HS6ST3: variants seen among roughly 807,000 people sequenced by gnomAD.
HS6ST3 encodes the protein heparan-sulfate 6-O-sulfotransferase 3.
Under a neutral mutation model 36.7 loss-of-function variants are expected in HS6ST3, and 12 were observed. The observed-to-expected ratio is 0.33, with a 90% CI of 0.21 to 0.53. The LOEUF is 0.53. Among genes scored for constraint, HS6ST3 ranks in the 20% least tolerant of loss-of-function variants. HS6ST3 has a pLI of 0.95. For synonymous variants in HS6ST3, 240 were observed against 257.5 expected (o/e 0.93, Z 0.65); for missense variants, 584 against 640.9 (o/e 0.91, Z 0.96).
intron 1 of HS6ST3, among the ~76,000 whole-genome samples, chr13:96,596,094 C>G (rs1294684245): frequency 6.6e-6 from 1 of 152,106 alleles, no homozygotes; most frequent in Non-Finnish European, 1.5e-5. Context: ...CTTCACTCAC[C>G]TTCCACCCTC....
chr13:96,288,776 C>T (rs904746187), intron 1 of HS6ST3, among the ~76,000 whole-genome samples: 1 of 151,934 alleles, frequency 6.6e-6, no homozygotes, highest in African/African-American at 2.4e-5. Context: ...TTATTTTGCT[C>T]TTATTATTAA....
intron 1 of HS6ST3, among the ~76,000 whole-genome samples, chr13:96,800,793 T>C (rs1878046604): frequency 6.6e-6 from 1 of 152,072 alleles, no homozygotes; most frequent in East Asian, 1.9e-4. Flanking sequence ...TTCCCTTCTC[T>C]CTGCTCCATC....
intron 1 of HS6ST3, among the ~76,000 whole-genome samples, chr13:96,602,774 T>TG (rs1439756650): frequency 6.6e-6 from 1 of 152,150 alleles, no homozygotes; most frequent in Non-Finnish European, 1.5e-5. Context: ...TATGGGGCTG[T>TG]GGGGGTTCTG....
At chr13:96,167,733 T>A (rs1222009688) in intron 1 of HS6ST3, among the ~76,000 whole-genome samples, 7 of 152,250 alleles carry the variant, frequency 4.6e-5, no homozygotes, top group African/African-American at 1.7e-4. Flanking sequence ...AGGTGATTAA[T>A]TAAGATATTA....
At chr13:96,700,627 T>C (rs897836644) in intron 1 of HS6ST3, among the ~76,000 whole-genome samples, 1 of 152,218 alleles carries the variant, frequency 6.6e-6, no homozygotes, top group Admixed American at 6.5e-5. Flanking sequence ...CCTATACTAA[T>C]GTATCTGTGA....
intron 1 of HS6ST3, among the ~76,000 whole-genome samples, chr13:96,488,447 G>A (rs1265900303): frequency 1.3e-5 from 2 of 152,030 alleles, no homozygotes; most frequent in Non-Finnish European, 2.9e-5. Flanking sequence ...ATATATCAAG[G>A]CATTTTAGTA....
At chr13:96,605,100 G>A (rs776355627) in intron 1 of HS6ST3, among the ~76,000 whole-genome samples, 32 of 152,118 alleles carry the variant, frequency 2.1e-4, no homozygotes, top group Non-Finnish European at 3.7e-4. Flanking sequence ...TTCCAGCTCA[G>A]TCAGTTCTAA....
chr13:96,816,896 G>A (rs1218899654), intron 1 of HS6ST3, among the ~76,000 whole-genome samples: 1 of 152,130 alleles, frequency 6.6e-6, no homozygotes, highest in Non-Finnish European at 1.5e-5. Context: ...AGGGTGCTAG[G>A]TCGTGTTCTC....
intron 1 of HS6ST3, among the ~76,000 whole-genome samples, chr13:96,243,963 C>G (rs2054573211): frequency 6.6e-6 from 1 of 151,516 alleles, no homozygotes; most frequent in Non-Finnish European, 1.5e-5. Context: ...TTCTGATAAG[C>G]CTTTATGCTG....
At chr13:96,736,016 A>G (rs1339313392) in intron 1 of HS6ST3, among the ~76,000 whole-genome samples, 2 of 152,172 alleles carry the variant, frequency 1.3e-5, no homozygotes, top group African/African-American at 4.8e-5. Context: ...GAGCTAAATG[A>G]TGAGAACACA....
At chr13:96,602,523 C>G (rs534070766) in intron 1 of HS6ST3, among the ~76,000 whole-genome samples, 2 of 152,314 alleles carry the variant, frequency 1.3e-5, no homozygotes, top group South Asian at 4.1e-4. Context: ...AGCCTGGGCA[C>G]TGCAGCAGCT....
intron 1 of HS6ST3, among the ~76,000 whole-genome samples, chr13:96,255,944 C>T (rs1323559963): frequency 6.6e-6 from 1 of 152,204 alleles, no homozygotes; most frequent in Non-Finnish European, 1.5e-5. Flanking sequence ...GTTTCCTTCA[C>T]AAATAAACTC....
chr13:96,394,808 T>C (rs1350393219), intron 1 of HS6ST3, among the ~76,000 whole-genome samples: 1 of 152,274 alleles, frequency 6.6e-6, no homozygotes, highest in African/African-American at 2.4e-5. Context: ...TCGTACAGAG[T>C]GAGGCTTGGA....
At chr13:96,153,147 C>A (rs1641768693) in intron 1 of HS6ST3, among the ~76,000 whole-genome samples, 1 of 152,124 alleles carries the variant, frequency 6.6e-6, no homozygotes, top group East Asian at 1.9e-4. Flanking sequence ...CATCTCCAAC[C>A]CCTAAACTGT....
intron 1 of HS6ST3, among the ~76,000 whole-genome samples, chr13:96,815,466 G>A (rs1107219): frequency 0.078 from 11,919 of 152,082 alleles, 531 homozygotes; most frequent in Non-Finnish European, 0.1. Context: ...TTTTCGGAAC[G>A]GACACAATTC....
chr13:96,781,677 AT>A (rs1397165804), intron 1 of HS6ST3, among the ~76,000 whole-genome samples: 1 of 152,210 alleles, frequency 6.6e-6, no homozygotes. Context: ...TATATCAATA[AT>A]GAGATGAAGC....
At chr13:96,126,812 A>G (rs1407728054) in intron 1 of HS6ST3, among the ~76,000 whole-genome samples, 3 of 152,134 alleles carry the variant, frequency 2.0e-5, no homozygotes, top group African/African-American at 4.8e-5. Flanking sequence ...TTGCCATGAC[A>G]TCATCAAGGG....
intron 1 of HS6ST3, among the ~76,000 whole-genome samples, chr13:96,716,579 C>A (rs901339778): frequency 1.3e-5 from 2 of 152,044 alleles, no homozygotes; most frequent in African/African-American, 2.4e-5. Context: ...ATCTATTTAC[C>A]TATCATTTAT....
chr13:96,123,284 A>C lies in HS6ST3; in HGVS notation c.707+31715A>C, dbSNP rs535203689. On this transcript the variant is annotated intron_variant, in intron 1 of 1. Coordinates refer to ENST00000376705, the MANE Select transcript of HS6ST3 (RefSeq NM_153456.4). ...TTTATCCATGCCGTTTGTTTTGCTT[A>C]TATTTTTTTAGAAGAATGGAGTATT... Among the ~76,000 whole-genome samples the C allele has an allele frequency of 2.6e-5, 4 of 152,312 alleles. No homozygotes were observed. The East Asian group carries it at 7.7e-4, about 29-fold the overall frequency.
Sources: gnomAD v4.1 joint callset for allele counts (sites outside exome capture counted in the v4.1 genomes callset) on GRCh38, gnomAD v4.1.1 for gene constraint, MANE v1.5 for transcripts, NCBI Gene and HGNC (gene_info 2026-07-23, HGNC 2026-07-21) for gene names.